Variants in FANCB observed in about 807,000 individuals in gnomAD.
FANCB encodes FA complementation group B, also known as Fanconi anemia group B protein.
Under a neutral mutation model 38.9 loss-of-function variants are expected in FANCB, and 5 were observed. The observed-to-expected ratio is 0.13, with a 90% confidence interval of 0.07 to 0.27. The LOEUF (loss-of-function observed/expected upper bound fraction) is 0.27, where lower values mean the gene tolerates loss of function less well. Among genes scored for constraint, FANCB ranks in the 10% least tolerant of loss-of-function variants. FANCB has a pLI of 1.00. For missense variants in FANCB, 573 were observed against 602.7 expected, an observed-to-expected ratio of 0.95 and a Z score of 0.52; for synonymous variants, 236 against 215.4, an observed-to-expected ratio of 1.10 and a Z score of -0.84.
chrX:14,793,389 T>C, the FANCB span, among the ~76,000 whole-genome samples: 1 of 112,000 alleles, frequency 8.9e-6, no homozygotes, highest in African/African-American at 3.2e-5. Flanking sequence ...CTTAGCAGTA[T>C]AAGCTAAAGG....
the FANCB span, chrX:14,730,546 A>T: frequency 1.7e-6 from 1 of 598,693 alleles, no homozygotes; most frequent in Admixed American, 2.9e-5. Flanking sequence ...ATACACAGTG[A>T]AATTGTCTTT....
chrX:14,847,269 GAA>G (rs2092380735), intron 7 of FANCB, among the ~76,000 whole-genome samples: 1 of 110,548 alleles, frequency 9.0e-6, no homozygotes, highest in Non-Finnish European at 1.9e-5. Context: ...ATGAAAAAAA[GAA>G]AAGACAGAAA....
chrX:14,748,926 A>C, the FANCB span, among the ~76,000 whole-genome samples: 1 of 112,408 alleles, frequency 8.9e-6, no homozygotes, highest in Admixed American at 9.4e-5. Flanking sequence ...GAAGACAGGA[A>C]GATCAGAAAG....
the FANCB span, among the ~76,000 whole-genome samples, chrX:14,695,816 T>C: frequency 1.9e-3 from 213 of 111,089 alleles, 1 homozygote; most frequent in Non-Finnish European, 3.3e-3. Flanking sequence ...AAAAGAAACA[T>C]AGGTTTGAGG....
the FANCB span, chrX:14,690,879 C>T: frequency 8.3e-7 from 1 of 1,201,619 alleles, no homozygotes; most frequent in African/African-American, 1.8e-5. Flanking sequence ...CCCCTCAGTT[C>T]AGACAATGTA....
chrX:14,762,738 A>G, the FANCB span, among the ~76,000 whole-genome samples: 3 of 112,005 alleles, frequency 2.7e-5, no homozygotes, highest in East Asian at 2.8e-4. Context: ...TCAGAAACCA[A>G]CATCAACACC....
chrX:14,840,787 C>G (rs960760642), downstream of FANCB, among the ~76,000 whole-genome samples: 5 of 111,674 alleles, frequency 4.5e-5, no homozygotes, highest in African/African-American at 1.6e-4. Context: ...AACCTAAGGC[C>G]ATTATGAGCC....
At chrX:14,743,982 C>T in the FANCB span, among the ~76,000 whole-genome samples, 9 of 111,835 alleles carry the variant, frequency 8.0e-5, no homozygotes, top group South Asian at 3.4e-3. Flanking sequence ...TTTAGCTCAA[C>T]TAATTATATC....
At chrX:14,815,094 C>G in the FANCB span, among the ~76,000 whole-genome samples, 3 of 111,217 alleles carry the variant, frequency 2.7e-5, no homozygotes, top group Admixed American at 2.9e-4. Context: ...ACTGCATGTT[C>G]TCACTCATAG....
At chrX:14,823,079 C>CTTTTT in the FANCB span, among the ~76,000 whole-genome samples, 458 of 71,023 alleles carry the variant, frequency 6.4e-3, 4 homozygotes, top group East Asian at 0.041. Flanking sequence ...TACCCTTTTA[C>CTTTTT]TTTTTTTTTT....
the FANCB span, among the ~76,000 whole-genome samples, chrX:14,764,553 T>C: frequency 9.0e-6 from 1 of 111,501 alleles, no homozygotes; most frequent in Non-Finnish European, 1.9e-5. Flanking sequence ...GAATAAGACA[T>C]GTGAGAAGCA....
chrX:14,794,883 GAGA>G, the FANCB span, among the ~76,000 whole-genome samples: 348 of 112,490 alleles, frequency 3.1e-3, 1 homozygote, highest in African/African-American at 0.01. Context: ...AGGTGCGACT[GAGA>G]AGGACCATAG....
chrX:14,732,537 C>T, the FANCB span, among the ~76,000 whole-genome samples: 2 of 112,050 alleles, frequency 1.8e-5, no homozygotes, highest in Admixed American at 9.5e-5. Flanking sequence ...ACATCTTCTC[C>T]AGCACCTGTT....
At chrX:14,791,737 A>G in the FANCB span, among the ~76,000 whole-genome samples, 1 of 112,133 alleles carries the variant, frequency 8.9e-6, no homozygotes, top group Non-Finnish European at 1.9e-5. Flanking sequence ...AGGGAATGCA[A>G]ATGGAATACA....
the FANCB span, among the ~76,000 whole-genome samples, chrX:14,733,843 T>C: frequency 1.8e-5 from 2 of 112,050 alleles, no homozygotes; most frequent in African/African-American, 6.5e-5. Context: ...CTCTTCCTGT[T>C]TGAATACCCA....
the FANCB span, among the ~76,000 whole-genome samples, chrX:14,699,579 C>A: frequency 2.3e-4 from 26 of 111,666 alleles, no homozygotes; most frequent in African/African-American, 8.5e-4. Context: ...ATTTCTTCAC[C>A]AAATCATCTC....
At chrX:14,767,865 G>A in the FANCB span, among the ~76,000 whole-genome samples, 4 of 111,981 alleles carry the variant, frequency 3.6e-5, no homozygotes, top group East Asian at 8.4e-4. Context: ...TTTTGTATAT[G>A]GTGCAAGGAA....
At chrX:14,756,324 G>A in the FANCB span, among the ~76,000 whole-genome samples, 1 of 111,527 alleles carries the variant, frequency 9.0e-6, no homozygotes, top group South Asian at 3.7e-4. Flanking sequence ...AGACAAACAG[G>A]ATTACATCAA....
the FANCB span, among the ~76,000 whole-genome samples, chrX:14,729,232 C>A: frequency 1.8e-5 from 2 of 111,791 alleles, no homozygotes; most frequent in African/African-American, 3.3e-5. Flanking sequence ...GAGTTTAGTG[C>A]CTCTGGTGAC....
Sources: gnomAD v4.1 joint callset for allele counts (sites outside exome capture counted in the v4.1 genomes callset) on GRCh38, gnomAD v4.1.1 for gene constraint, MANE v1.5 for transcripts, NCBI Gene and HGNC (gene_info 2026-07-23, HGNC 2026-07-21) for gene names.